ARMC1: variants seen among roughly 807,000 people sequenced by gnomAD.
ARMC1 encodes armadillo repeat-containing protein 1.
In ARMC1, 16 loss-of-function variants were observed where a neutral mutation model predicts 31.4. The ratio of observed to expected loss-of-function variants is 0.51; its 90% CI spans 0.34 to 0.77. ARMC1 has a LOEUF of 0.77. ARMC1 is among the 30% of genes least tolerant of loss of function. ARMC1 has a pLI of 0.01. For synonymous variants in ARMC1, 114 were observed against 118.9 expected (o/e 0.96, Z 0.27); for missense variants, 259 against 347.5 (o/e 0.75, Z 2.02).
At chr8:65,625,391 G>A (rs1004534372) in intron 2 of ARMC1, among the ~76,000 whole-genome samples, 3 of 152,136 alleles carry the variant, frequency 2.0e-5, no homozygotes, top group Non-Finnish European at 4.4e-5. Context: ...TATCGATTCA[G>A]TATTACCAAA....
chr8:65,614,410 G>C (rs1354894324), intron 3 of ARMC1, among the ~76,000 whole-genome samples: 2 of 152,108 alleles, frequency 1.3e-5, no homozygotes, highest in Non-Finnish European at 2.9e-5. Context: ...AATGTGGCTA[G>C]TGCAACTAAA....
At position 65,604,275 on chromosome 8, in the gene ARMC1, A is replaced by C; in HGVS notation, c.*119T>G. 1 of 899,354 alleles carries C rather than the reference A, an allele frequency of 1.1e-6. No individual in the cohort carries two copies. The highest frequency in any genetic ancestry group is 1.7e-6 in the Non-Finnish European group (1 of 591,990). The allele number at this position is 899,354 out of a possible 1,614,324, so 55.7% of individuals were successfully genotyped here. A position where few individuals can be genotyped will look rare whatever the true frequency, so the allele number is the denominator to read the frequency against. Reference sequence around the variant, plus strand: ...TAAAACGTGAAATGCAGCATATGCGATCGTGTAATCTAAAAACTTTTCATG... The same window carrying C: ...TAAAACGTGAAATGCAGCATATGCGCTCGTGTAATCTAAAAACTTTTCATG... On this transcript the variant is annotated 3_prime_UTR_variant, in exon 7 of 7. Transcript: ENST00000276569.
intron 2 of ARMC1, among the ~76,000 whole-genome samples, chr8:65,622,931 G>A (rs1278844019): frequency 4.0e-5 from 6 of 151,428 alleles, no homozygotes; most frequent in South Asian, 2.1e-4. Flanking sequence ...GCTTGAACAC[G>A]GGAGGCGGAG....
chr8:65,611,973 T>C (rs549802194), intron 4 of ARMC1, among the ~76,000 whole-genome samples: 2 of 152,064 alleles, frequency 1.3e-5, no homozygotes, highest in Non-Finnish European at 2.9e-5. Flanking sequence ...GGTTTCACTA[T>C]GTTGGCCAGG....
At chr8:65,616,685 G>A (rs1808269413) in intron 3 of ARMC1, among the ~76,000 whole-genome samples, 1 of 151,708 alleles carries the variant, frequency 6.6e-6, no homozygotes, top group African/African-American at 2.4e-5. Context: ...TCTAGGAAGT[G>A]AGGAGCGTCT....
At chr8:65,607,844 T>C (rs1808036670) in intron 4 of ARMC1, among the ~76,000 whole-genome samples, 1 of 152,194 alleles carries the variant, frequency 6.6e-6, no homozygotes, top group South Asian at 2.1e-4. Context: ...CCTTTAATTT[T>C]TTTTATTAAG....
intron 4 of ARMC1, among the ~76,000 whole-genome samples, 191 bp downstream of exon 4, chr8:65,613,053 T>C (rs1263348356): frequency 1.3e-5 from 2 of 152,192 alleles, no homozygotes; most frequent in Non-Finnish European, 2.9e-5. Flanking sequence ...TATATTTCGA[T>C]GTTCTATTAT....
intron 3 of ARMC1, among the ~76,000 whole-genome samples, chr8:65,619,458 A>C (rs1384606321): frequency 2.0e-5 from 3 of 152,180 alleles, no homozygotes; most frequent in African/African-American, 7.2e-5. Flanking sequence ...GAATCGCTTG[A>C]AACCGAGAGG....
intron 1 of ARMC1, among the ~76,000 whole-genome samples, chr8:65,629,550 C>T (rs1203344525): frequency 2.0e-5 from 3 of 151,656 alleles, no homozygotes; most frequent in Non-Finnish European, 4.4e-5. Flanking sequence ...CCTATAATCC[C>T]AGCACTTTGG....
chr8:65,618,818 C>T (rs952630625), intron 3 of ARMC1, among the ~76,000 whole-genome samples: 5 of 151,304 alleles, frequency 3.3e-5, no homozygotes, highest in African/African-American at 1.2e-4. Flanking sequence ...CCGAGGTGAG[C>T]GGATCATGAG....
At chr8:65,619,198 T>G (rs1808340093) in intron 3 of ARMC1, among the ~76,000 whole-genome samples, 1 of 151,790 alleles carries the variant, frequency 6.6e-6, no homozygotes, top group Non-Finnish European at 1.5e-5. Flanking sequence ...GAAACAAAAA[T>G]AATCCAAAAA....
At chr8:65,620,191 A>G (rs1393630522) in intron 3 of ARMC1, among the ~76,000 whole-genome samples, 1 of 151,564 alleles carries the variant, frequency 6.6e-6, no homozygotes, top group Non-Finnish European at 1.5e-5. Flanking sequence ...ACTTTCTGAG[A>G]TGATGGAAAT....
chr8:65,610,695 CA>C (rs112536643), intron 4 of ARMC1, among the ~76,000 whole-genome samples: 32 of 142,526 alleles, frequency 2.2e-4, no homozygotes, highest in East Asian at 1.0e-3. Context: ...AACCCCGTCT[CA>C]AAAAAAAAAA....
intron 4 of ARMC1, among the ~76,000 whole-genome samples, chr8:65,609,973 T>C (rs931351811): frequency 2.0e-5 from 3 of 152,066 alleles, no homozygotes; most frequent in Non-Finnish European, 4.4e-5. Context: ...CCCCTAAATA[T>C]GTAAAGTTAT....
chr8:65,613,069 A>T (rs562568701), intron 4 of ARMC1, among the ~76,000 whole-genome samples, 175 bp downstream of exon 4: 2 of 152,226 alleles, frequency 1.3e-5, no homozygotes, highest in African/African-American at 4.8e-5. Context: ...ATTATTAGGG[A>T]CATACATATT....
intron 2 of ARMC1, among the ~76,000 whole-genome samples, chr8:65,623,095 G>C (rs1393410178): frequency 1.3e-5 from 2 of 149,884 alleles, no homozygotes; most frequent in Non-Finnish European, 3.0e-5. Flanking sequence ...GGGTCACGAG[G>C]TCAGGGGTTC....
At chr8:65,612,011 C>A (rs569614251) in intron 4 of ARMC1, among the ~76,000 whole-genome samples, 20 of 152,182 alleles carry the variant, frequency 1.3e-4, no homozygotes, top group Non-Finnish European at 2.8e-4. Flanking sequence ...ACCTCATGAT[C>A]CATCCGCCTT....
At chr8:65,612,127 C>T (rs1398441084) in intron 4 of ARMC1, among the ~76,000 whole-genome samples, 2 of 152,076 alleles carry the variant, frequency 1.3e-5, no homozygotes, top group African/African-American at 4.8e-5. Flanking sequence ...GTTCAAAATG[C>T]TAATTTCTCT....
intron 3 of ARMC1, among the ~76,000 whole-genome samples, chr8:65,618,256 C>T (rs1292434874): frequency 6.6e-6 from 1 of 151,844 alleles, no homozygotes; most frequent in East Asian, 2.0e-4. Flanking sequence ...GGCGCAGTGG[C>T]TCACGCCTGT....
Sources: allele counts gnomAD v4.1 joint callset (sites outside exome capture counted in the v4.1 genomes callset), GRCh38; gene constraint gnomAD v4.1.1; transcripts MANE v1.5; gene names NCBI Gene and HGNC (gene_info 2026-07-23, HGNC 2026-07-21).